MEIS2: variants seen among roughly 807,000 people sequenced by gnomAD.
MEIS2 encodes homeobox protein Meis2.
A neutral mutation model predicts 58.6 loss-of-function variants in MEIS2; 9 were observed. The ratio of observed to expected loss-of-function variants is 0.15; its 90% confidence interval spans 0.09 to 0.27. The LOEUF is 0.27. Ranked by LOEUF, MEIS2 falls within the 10% of genes least tolerant of loss-of-function variation. MEIS2 has a pLI of 1.00. For missense variants in MEIS2, 427 were observed against 635.0 expected (o/e 0.67, Z 3.52); for synonymous variants, 221 against 228.4 (o/e 0.97, Z 0.29).
chr15:36,952,257 G>A (rs1056395531), intron 8 of MEIS2, among the ~76,000 whole-genome samples: 3 of 151,036 alleles, frequency 2.0e-5, no homozygotes, highest in East Asian at 4.0e-4. Context: ...AGGGGCGGTG[G>A]CAAAAAAAAT....
chr15:37,031,473 G>A (rs982171022), intron 8 of MEIS2, among the ~76,000 whole-genome samples: 1 of 139,312 alleles, frequency 7.2e-6, no homozygotes, highest in Non-Finnish European at 1.6e-5. Flanking sequence ...AATTTAAGAT[G>A]ACTAAGTTTA....
In MEIS2 at chr15:37,095,625, C is replaced by CA. The variant is rs1567294359; in HGVS notation, c.388-12dup. 1.2e-6 allele frequency: 2 copies of CA among 1,614,034 alleles called. No individual in the cohort carries two copies. The highest frequency in any genetic ancestry group is 2.2e-5 in the East Asian group (1 of 44,892). On this transcript the variant is annotated splice_polypyrimidine_tract_variant and intron_variant, in intron 3 of 11. Coordinates refer to ENST00000561208, the MANE Select transcript of MEIS2 (RefSeq NM_170675.5). ...CTTTTCGGCGCGAACCTGTAAGAAACAGAGAGTCAACTTGAACGATCACCC... is the reference window on the plus strand; with the variant it reads ...CTTTTCGGCGCGAACCTGTAAGAAACAAGAGAGTCAACTTGAACGATCACCC...
chr15:37,046,729 G>T (rs2062687920), intron 7 of MEIS2, among the ~76,000 whole-genome samples: 1 of 152,016 alleles, frequency 6.6e-6, no homozygotes, highest in Non-Finnish European at 1.5e-5. Context: ...CCATAAAATG[G>T]CTTTGTTTAT....
chr15:36,981,467 A>G (rs1268823827), intron 8 of MEIS2, among the ~76,000 whole-genome samples: 1 of 151,974 alleles, frequency 6.6e-6, no homozygotes, highest in Non-Finnish European at 1.5e-5. Context: ...TTTTGAGAAA[A>G]GCTGAGAAAC....
chr15:37,050,962 C>T (rs372499635), intron 7 of MEIS2: 2 of 152,166 alleles, frequency 1.3e-5, no homozygotes, highest in Non-Finnish European at 1.5e-5. Flanking sequence ...TGAGTATGAC[C>T]TCAGTCAAAA....
chr15:36,951,435 T>A (rs956831857), intron 8 of MEIS2, among the ~76,000 whole-genome samples: 1 of 152,122 alleles, frequency 6.6e-6, no homozygotes, highest in African/African-American at 2.4e-5. Context: ...TATTAGAGGG[T>A]GACATTAGGA....
intron 7 of MEIS2, among the ~76,000 whole-genome samples, chr15:37,042,133 G>A (rs533176476): frequency 1.1e-4 from 16 of 152,238 alleles, no homozygotes; most frequent in East Asian, 3.9e-4. Flanking sequence ...CCTGGGCAGC[G>A]GAGTAAGACC....
Position 37,083,881 on chromosome 15 carries a change from G to C in MEIS2, c.644C>G (p.Pro215Arg), listed in dbSNP as rs758327782. 9.9e-6 allele frequency: 16 copies of C among 1,613,542 alleles called. No homozygotes were observed. The East Asian group carries it at 3.1e-4, about 31-fold the overall frequency. Residue 215 changes from proline to arginine, a missense_variant, in exon 7 of 12, where the codon CCT becomes CGT. Physicochemically the swap from Pro to Arg is moderately radical, Grantham distance 103. Around this residue, in one of 6 missense-constraint regions of MEIS2, gnomAD observed 138 missense variants for 263.0 expected, o/e 0.52. Coordinates refer to ENST00000561208, the MANE Select transcript of MEIS2 (RefSeq NM_170675.5). ...GSSTNLADHN[P>R]SSWRDHDDAT... is the part of the protein sequence containing the mutation. ...ATCATCGTGGTCTCGCCAAGAAGAA[G>C]GGTTCTGATGTCAGGATACCAAGGA...
Position 37,079,271 on chromosome 15 carries a change from A to G in MEIS2, c.754+4500T>C, listed in dbSNP as rs138569675. ...CAGGAAGGAAAAAAAATGTCATTGT[A>G]TTTATCATAACAGTAAGTGACCAGT... On this transcript the variant is annotated intron_variant, in intron 7 of 11. Transcript: ENST00000561208. Among the ~76,000 whole-genome samples, 874 of 152,304 alleles carry G rather than the reference A, an allele frequency of 5.7e-3. 8 individuals carry two copies. Among genetic ancestry groups the G allele is most frequent in the African/African-American group, 0.019 (810 of 41,576 alleles).
At chr15:37,070,531 T>A (rs558034402) in intron 7 of MEIS2, among the ~76,000 whole-genome samples, 1 of 152,300 alleles carries the variant, frequency 6.6e-6, no homozygotes, top group East Asian at 1.9e-4. Context: ...AATTAGGGGA[T>A]CTGAACATTC....
intron 7 of MEIS2, among the ~76,000 whole-genome samples, chr15:37,064,964 T>C (rs1385807835): frequency 6.6e-6 from 1 of 152,214 alleles, no homozygotes; most frequent in African/African-American, 2.4e-5. Context: ...GCTTTTTAGA[T>C]CTTTAGCACA....
chr15:37,042,610 A>G (rs1277726635), intron 7 of MEIS2, among the ~76,000 whole-genome samples: 2 of 152,234 alleles, frequency 1.3e-5, no homozygotes, highest in Non-Finnish European at 1.5e-5. Context: ...GAACACTGTT[A>G]TCAATGGCAG....
chr15:37,061,378 T>C (rs114342225), intron 7 of MEIS2, among the ~76,000 whole-genome samples: 2,387 of 152,300 alleles, frequency 0.016, 66 homozygotes, highest in African/African-American at 0.055. Flanking sequence ...AGATAGCTAA[T>C]TAAATTTCAC....
At chr15:37,053,315 G>A (rs1041754291) in intron 7 of MEIS2, among the ~76,000 whole-genome samples, 22 of 152,156 alleles carry the variant, frequency 1.4e-4, no homozygotes, top group African/African-American at 5.1e-4. Flanking sequence ...ATGCACTCTT[G>A]AGAAGATAAC....
At chr15:36,930,521 T>C (rs953404584) in intron 9 of MEIS2, among the ~76,000 whole-genome samples, 15 of 152,170 alleles carry the variant, frequency 9.9e-5, no homozygotes, top group Admixed American at 8.5e-4. Context: ...CGATATGCAT[T>C]ATCGCTCATT....
intron 7 of MEIS2, among the ~76,000 whole-genome samples, chr15:37,040,627 T>C (rs763958077): frequency 6.6e-6 from 1 of 152,292 alleles, no homozygotes; most frequent in Non-Finnish European, 1.5e-5. Context: ...AAAGAAATAC[T>C]GGGCATGCTT....
At chr15:37,059,926 CA>C (rs34012549) in intron 7 of MEIS2, among the ~76,000 whole-genome samples, 147,468 of 150,824 alleles carry the variant, frequency 0.98, 72,169 homozygotes, top group Non-Finnish European at 1. Flanking sequence ...GAGTCTGTCT[CA>C]AAAAAAAAAA....
At chr15:36,931,888 G>A (rs1285056822) in intron 9 of MEIS2, among the ~76,000 whole-genome samples, 3 of 152,020 alleles carry the variant, frequency 2.0e-5, no homozygotes, top group Non-Finnish European at 2.9e-5. Context: ...ATAGATAGGC[G>A]GACAGATAAA....
At chr15:36,931,232 C>T (rs1021460033) in intron 9 of MEIS2, among the ~76,000 whole-genome samples, 1 of 152,176 alleles carries the variant, frequency 6.6e-6, no homozygotes, top group African/African-American at 2.4e-5. Flanking sequence ...TAGCAGCAAA[C>T]TCAGTATATC....
Sources: allele counts gnomAD v4.1 joint callset (sites outside exome capture counted in the v4.1 genomes callset), GRCh38; gene constraint gnomAD v4.1.1; regional missense constraint gnomAD v4.1.1; transcripts MANE v1.5; gene names NCBI Gene and HGNC (gene_info 2026-07-23, HGNC 2026-07-21).